The following CACNA1E variants were observed in gnomAD, a reference collection of about 807,000 sequenced individuals.
CACNA1E encodes the protein voltage-dependent R-type calcium channel subunit alpha-1E.
In CACNA1E, 40 loss-of-function variants were observed where a neutral mutation model predicts 259.2. That is an observed-to-expected ratio of 0.15 (90% CI 0.12 to 0.20). The LOEUF (loss-of-function observed/expected upper bound fraction) is 0.20, where lower values mean the gene tolerates loss of function less well. Among genes scored for constraint, CACNA1E ranks in the 10% least tolerant of loss-of-function variants. CACNA1E has a pLI of 1.00. For missense variants in CACNA1E, 1,874 were observed against 3,040.1 expected, an observed-to-expected ratio of 0.62 and a Z score of 9.02; for synonymous variants, 1,104 against 1,138.5, an observed-to-expected ratio of 0.97 and a Z score of 0.61.
chr1:181,792,354 T>C (rs987591214), intron 44 of CACNA1E, among the ~76,000 whole-genome samples: 4 of 152,208 alleles, frequency 2.6e-5, no homozygotes, highest in African/African-American at 9.7e-5. Context: ...TGCTACACAC[T>C]CAACACTGTG....
intron 6 of CACNA1E, among the ~76,000 whole-genome samples, chr1:181,643,572 G>A (rs1657995472): frequency 6.6e-6 from 1 of 152,132 alleles, no homozygotes; most frequent in African/African-American, 2.4e-5. Context: ...GGTGGGCCAT[G>A]CCAGCCCTTG....
intron 25 of CACNA1E, among the ~76,000 whole-genome samples, chr1:181,741,084 G>C (rs1656527553): frequency 6.6e-6 from 1 of 152,144 alleles, no homozygotes; most frequent in South Asian, 2.1e-4. Flanking sequence ...ATTATTCACT[G>C]TATCATTCTT....
intron 2 of CACNA1E, among the ~76,000 whole-genome samples, chr1:181,426,026 C>T (rs1659165276): frequency 6.6e-6 from 1 of 152,100 alleles, no homozygotes. Context: ...ATAAAGAAAA[C>T]AGAGGAATTC....
chr1:181,714,726 T>C (rs1653727318), intron 8 of CACNA1E, among the ~76,000 whole-genome samples: 1 of 152,170 alleles, frequency 6.6e-6, no homozygotes, highest in Non-Finnish European at 1.5e-5. Context: ...TAGGGACAAA[T>C]TCATGATTGG....
chr1:181,593,560 G>A (rs1002836618), intron 6 of CACNA1E, among the ~76,000 whole-genome samples: 4 of 151,820 alleles, frequency 2.6e-5, no homozygotes, highest in African/African-American at 9.7e-5. Context: ...TCTTTTTGAG[G>A]TGGAGTCTTG....
At chr1:181,465,497 T>TTAAC (rs1405130948) in intron 2 of CACNA1E, among the ~76,000 whole-genome samples, 1 of 152,108 alleles carries the variant, frequency 6.6e-6, no homozygotes, top group Non-Finnish European at 1.5e-5. Flanking sequence ...TCCATGTCTG[T>TTAAC]TAACTTTAAT....
At chr1:181,748,918 G>C (rs1437823295) in intron 25 of CACNA1E, among the ~76,000 whole-genome samples, 1 of 152,128 alleles carries the variant, frequency 6.6e-6, no homozygotes, top group Admixed American at 6.5e-5. Context: ...GATGAATAAA[G>C]ATGTGTTTGG....
chr1:181,443,767 G>A (rs750446424), intron 2 of CACNA1E, among the ~76,000 whole-genome samples: 7 of 152,186 alleles, frequency 4.6e-5, no homozygotes, highest in East Asian at 1.9e-4. Flanking sequence ...TCCCAGGTCC[G>A]TCAAACTCCA....
chr1:181,661,544 G>A (rs924181689), intron 7 of CACNA1E, among the ~76,000 whole-genome samples: 5 of 152,206 alleles, frequency 3.3e-5, no homozygotes, highest in South Asian at 2.1e-4. Context: ...AGGCCAAAGG[G>A]TAGGTCTTAA....
At chr1:181,436,925 A>C (rs1475033902) in intron 2 of CACNA1E, among the ~76,000 whole-genome samples, 1 of 152,246 alleles carries the variant, frequency 6.6e-6, no homozygotes, top group East Asian at 1.9e-4. Flanking sequence ...TTTATCATGT[A>C]AAATCTACAA....
chr1:181,559,661 G>A lies in CACNA1E; in HGVS notation c.513-18105G>A, dbSNP rs192619642. Among the ~76,000 whole-genome samples, 122 of 152,312 alleles carry A rather than the reference G, an allele frequency of 8.0e-4. 1 individual carries two copies. The highest frequency in any genetic ancestry group is 7.4e-3 in the Admixed American group (113 of 15,310). ...GTACATCTTGAATTTGGAGACCTGCGGGCCTCTGATGCCCTGTAATGAGTC... is the reference window on the plus strand; with the variant it reads ...GTACATCTTGAATTTGGAGACCTGCAGGCCTCTGATGCCCTGTAATGAGTC... On this transcript the variant is annotated intron_variant, in intron 3 of 47. Coordinates refer to ENST00000367573, the MANE Select transcript of CACNA1E (RefSeq NM_001205293.3).
Position 181,726,060 on chromosome 1 carries a change from T to G in CACNA1E, c.2143-5T>G. On this transcript the variant is annotated splice_polypyrimidine_tract_variant and splice_region_variant and intron_variant, in intron 17 of 47. Transcript: ENST00000367573. Reference sequence around the variant, plus strand: ...CAGGCAAAGCCATCTCTGCTTTGTGTCTAGGATGAACAGGAGGAAGAAGAG... The same window carrying G: ...CAGGCAAAGCCATCTCTGCTTTGTGGCTAGGATGAACAGGAGGAAGAAGAG... The G allele has an allele frequency of 1.2e-6, 2 of 1,607,822 alleles. No homozygotes were observed. Among genetic ancestry groups the G allele is most frequent in the Non-Finnish European group, 1.7e-6 (2 of 1,175,868 alleles).
At chr1:181,322,802 A>G (rs1650463301) in intron 1 of CACNA1E, among the ~76,000 whole-genome samples, 1 of 152,150 alleles carries the variant, frequency 6.6e-6, no homozygotes, top group Non-Finnish European at 1.5e-5. Context: ...TTTCCTCCAT[A>G]AACACTAGTC....
chr1:181,491,755 T>C (rs1664333731), intron 1 of CACNA1E, among the ~76,000 whole-genome samples: 1 of 152,244 alleles, frequency 6.6e-6, no homozygotes, highest in Non-Finnish European at 1.5e-5. Flanking sequence ...GACTTATCAC[T>C]GAGAGCAGGC....
At chr1:181,745,337 T>TTTTTTTTTTTTTTA in intron 25 of CACNA1E, 1 of 497,640 alleles carries the variant, frequency 2.0e-6, no homozygotes. Context: ...AGTATTTTTT[T>TTTTTTTTTTTTTTA]TTTTTTTAAT....
Position 181,704,796 on chromosome 1 carries a change from G to T in CACNA1E, c.1056-6158G>T, listed in dbSNP as rs191670956. Among the ~76,000 whole-genome samples the T allele has an allele frequency of 2.9e-4, 44 of 152,258 alleles. No homozygotes were observed. In the East Asian group the frequency reaches 6.0e-3, roughly 21 times the overall value. ...ATCAGTAAACAAAGCTCCCTGCATG[G>T]AGCCGGGAGGAGAGGTCTGGAGCGA... On this transcript the variant is annotated intron_variant, in intron 7 of 47. Transcript: ENST00000367573.
intron 6 of CACNA1E, among the ~76,000 whole-genome samples, chr1:181,643,339 A>T (rs1254355879): frequency 6.6e-6 from 1 of 152,164 alleles, no homozygotes; most frequent in Non-Finnish European, 1.5e-5. Flanking sequence ...TCAATGTTGG[A>T]ATTACTAGGA....
At chr1:181,523,556 G>A (rs1667142003) in intron 3 of CACNA1E, among the ~76,000 whole-genome samples, 1 of 152,154 alleles carries the variant, frequency 6.6e-6, no homozygotes, top group African/African-American at 2.4e-5. Flanking sequence ...AAGTGACCCA[G>A]CTTCTGTTAA....
upstream of CACNA1E, among the ~76,000 whole-genome samples, chr1:181,482,545 G>A (rs935051528): frequency 2.0e-5 from 3 of 152,242 alleles, no homozygotes; most frequent in Non-Finnish European, 2.9e-5. Flanking sequence ...CCAGCCTTCC[G>A]GCTGCGTCCC....
Sources: allele counts gnomAD v4.1 joint callset (sites outside exome capture counted in the v4.1 genomes callset), GRCh38; gene constraint gnomAD v4.1.1; transcripts MANE v1.5; gene names NCBI Gene and HGNC (gene_info 2026-07-23, HGNC 2026-07-21).